AKAP4: variants seen among roughly 807,000 people sequenced by gnomAD.
AKAP4 encodes A-kinase anchoring protein 4.
A neutral mutation model predicts 42.6 loss-of-function variants in AKAP4; 4 were observed. That is an observed-to-expected ratio of 0.09 (90% CI 0.05 to 0.22). The LOEUF (loss-of-function observed/expected upper bound fraction) is 0.22. Among genes scored for constraint, AKAP4 ranks in the 10% least tolerant of loss-of-function variants. AKAP4 has a pLI of 1.00. For synonymous variants in AKAP4, 223 were observed against 233.0 expected, an observed-to-expected ratio of 0.96 and a Z score of 0.39; for missense variants, 551 against 630.7, an observed-to-expected ratio of 0.87 and a Z score of 1.35.
chrX:50,191,553 A>C (rs1464618286), intron 5 of AKAP4, among the ~76,000 whole-genome samples: 4 of 109,430 alleles, frequency 3.7e-5, no homozygotes, highest in Non-Finnish European at 5.7e-5. Context: ...CTGGACTGAA[A>C]ATAACTTTGT....
rs1347220663 is a variant in AKAP4, at chrX:50,198,809, G to A, written c.28-57C>T. 6 of 938,643 alleles carry A rather than the reference G, an allele frequency of 6.4e-6. No individual in the cohort carries two copies. The African/African-American group carries it at 9.7e-5, about 15-fold the overall frequency. The allele number at this position is 938,643 out of a possible 1,213,427, so 77.4% of individuals were successfully genotyped here. ...CTTATATATGGTTTTTGGAAACCGG[G>A]TCAATTTGGATAAGAATCTCTGGAG... On this transcript the variant is annotated intron_variant, in intron 1 of 5. Transcript: ENST00000358526.
At chrX:50,200,689 A>G (rs1232345885) in intron 1 of AKAP4, among the ~76,000 whole-genome samples, 174 bp downstream of exon 1, 1 of 112,134 alleles carries the variant, frequency 8.9e-6, no homozygotes, top group Non-Finnish European at 1.9e-5. Flanking sequence ...GTTATATTGC[A>G]AGAGATCTTT....
intron 3 of AKAP4, 89 bp downstream of exon 3, chrX:50,197,454 TC>T: frequency 2.4e-6 from 2 of 823,496 alleles, no homozygotes. Context: ...TTCCCCTCTC[TC>T]CCCCCAACAT....
chrX:50,200,891 T>A lies in AKAP4; in HGVS notation c.-2A>T. The A allele has an allele frequency of 8.3e-7, 1 of 1,207,727 alleles. No individual in the cohort carries two copies. Among genetic ancestry groups the A allele is most frequent in the Non-Finnish European group, 1.1e-6 (1 of 892,308 alleles). The stretch of plus-strand genomic sequence containing the variant: ...TGTAGTATCAGAGTACGCCATCATG[T>A]AGGACCCTGGAATGATGTTTTCTTG... On this transcript the variant is annotated 5_prime_UTR_variant, in exon 1 of 6. Coordinates refer to ENST00000358526, the MANE Select transcript of AKAP4 (RefSeq NM_003886.3).
chrX:50,197,717 T>C (rs966426240), intron 2 of AKAP4, 123 bp from the exon 3 acceptor site: 265 of 550,516 alleles, frequency 4.8e-4, no homozygotes, highest in Non-Finnish European at 4.8e-5. Flanking sequence ...TGAGATACTA[T>C]ATGGAAAGCA....
intron 3 of AKAP4, 137 bp from the exon 4 acceptor site, chrX:50,197,129 G>T: frequency 2.1e-6 from 1 of 468,921 alleles, no homozygotes; most frequent in Non-Finnish European, 3.6e-6. Context: ...AGGTAGGCTT[G>T]TGAGGCTAGC....
chrX:50,194,575 G>A, intron 4 of AKAP4, 139 bp from the exon 5 acceptor site: 1 of 471,589 alleles, frequency 2.1e-6, no homozygotes, highest in South Asian at 3.5e-5. Context: ...ATATCCATTA[G>A]TACACATTCA....
At chrX:50,195,003 CAAGT>C in intron 4 of AKAP4, among the ~76,000 whole-genome samples, 1 of 111,711 alleles carries the variant, frequency 9.0e-6, no homozygotes, top group Middle Eastern at 4.7e-3. Context: ...TGTAAATGAG[CAAGT>C]GTCAATTTCA....
At position 50,201,004 on chromosome X, in the gene AKAP4, T is replaced by G. The variant is rs1303092238; in HGVS notation, c.-115A>C. 1.4e-6 allele frequency: 1 copy of G among 710,931 alleles called. No individual in the cohort carries two copies. The highest frequency in any genetic ancestry group is 2.1e-5 in the African/African-American group (1 of 47,640). 58.6% of individuals were successfully genotyped at this position (710,931 alleles called of 1,213,427 possible). ...CTCCATGCCCTCCTACAGCCTTGAC[T>G]GCCAGCTGGTACCAGAGTTACCTCT... On this transcript the variant is annotated 5_prime_UTR_variant, in exon 1 of 6. Transcript: ENST00000358526.
intron 4 of AKAP4, 111 bp downstream of exon 4, chrX:50,196,780 T>C (rs1935196271): frequency 3.7e-6 from 2 of 537,063 alleles, no homozygotes; most frequent in South Asian, 3.4e-5. Context: ...AGTATTCAAA[T>C]TGATGAGCCT....
intron 1 of AKAP4, among the ~76,000 whole-genome samples, chrX:50,199,227 G>T (rs1432447114): frequency 4.5e-5 from 5 of 111,131 alleles, no homozygotes; most frequent in African/African-American, 1.6e-4. Flanking sequence ...TTACACTAAA[G>T]AAAGTGAAAT....
At position 50,193,572 on chromosome X, in the gene AKAP4, C is replaced by T. The variant is rs1323948832; in HGVS notation, c.1141G>A (p.Asp381Asn). The T allele has an allele frequency of 9.9e-6, 12 of 1,210,005 alleles. No individual in the cohort carries two copies. The highest frequency in any genetic ancestry group is 1.2e-5 in the Non-Finnish European group (11 of 895,256). The change falls in exon 5 of 6, where the codon GAT becomes AAT. Residue 381 changes from aspartate (D) to asparagine (N), a missense_variant. Asp to Asn is a conservative substitution (Grantham distance 23). Coordinates refer to ENST00000358526, the MANE Select transcript of AKAP4 (RefSeq NM_003886.3). ...LLRHTKEIVS[D>N]LIDSCMKNLH... Reference sequence around the variant, plus strand: ...TTCTTCATGCAAGAATCAATCAAATCGGACACAATCTCCTTGGTGTGCCTT... The same window carrying T: ...TTCTTCATGCAAGAATCAATCAAATTGGACACAATCTCCTTGGTGTGCCTT...
chrX:50,192,243 A>T (rs1436226524), intron 5 of AKAP4, 61 bp downstream of exon 5: 1 of 989,766 alleles, frequency 1.0e-6, no homozygotes, highest in African/African-American at 1.9e-5. Context: ...TCTAAGTACA[A>T]TGCTGCCTCC....
At position 50,198,759 on chromosome X, in the gene AKAP4, A is replaced by C. The variant is rs368720051; in HGVS notation, c.28-7T>G. 7 of 1,188,220 alleles carry C rather than the reference A, an allele frequency of 5.9e-6. No individual in the cohort carries two copies. The African/African-American group carries it at 1.2e-4, about 21-fold the overall frequency. On this transcript the variant is annotated splice_polypyrimidine_tract_variant and splice_region_variant and intron_variant, in intron 1 of 5. Coordinates refer to ENST00000358526, the MANE Select transcript of AKAP4 (RefSeq NM_003886.3). The stretch of plus-strand genomic sequence containing the variant: ...AGTCAATATCATCAGACATCTGGAA[A>C]GAGAAAGAAAAGAAAGCTGAAATGC...
intron 2 of AKAP4, 108 bp from the exon 3 acceptor site, chrX:50,197,702 T>C: frequency 1.6e-6 from 1 of 634,537 alleles, no homozygotes; most frequent in Non-Finnish European, 2.4e-6. Context: ...CTTGTGAGGA[T>C]TAACTGAGAT....
chrX:50,197,418 G>T, intron 3 of AKAP4, 126 bp downstream of exon 3: 1 of 549,951 alleles, frequency 1.8e-6, no homozygotes. Flanking sequence ...GAGAATGCTG[G>T]CTTTCCCCCT....
chrX:50,200,301 T>A (rs1460910259), intron 1 of AKAP4: 1 of 752,726 alleles, frequency 1.3e-6, no homozygotes, highest in African/African-American at 2.3e-5. Flanking sequence ...CCCCTTTAGA[T>A]GGAACTGAGA....
At chrX:50,192,191 C>T (rs906996710) in intron 5 of AKAP4, 113 bp downstream of exon 5, 43 of 689,970 alleles carry the variant, frequency 6.2e-5, no homozygotes, top group Non-Finnish European at 8.5e-5. Flanking sequence ...ATTCATGAAG[C>T]ACACGGTAAA....
rs149949899 is a variant in AKAP4, at chrX:50,197,578, A to G, written c.140T>C (p.Val47Ala). 1.4e-5 allele frequency: 17 copies of G among 1,204,992 alleles called. No individual in the cohort carries two copies. The African/African-American group carries it at 2.8e-4, about 20-fold the overall frequency. ...TTTATCTTCTACATTCAGGGTGGAC[A>G]CATCGACAAAGCATATCTGCATCAA... Reference protein sequence around the residue: ...QDRKVICFVDVSTLNVEDKDY... With the variant: ...QDRKVICFVDASTLNVEDKDY... Residue 47 changes from valine (V) to alanine (A), a missense_variant, in exon 3 of 6, where the codon GTG becomes GCG. By Grantham distance (64) the Val-to-Ala change is moderately conservative (BLOSUM62 0). Coordinates refer to ENST00000358526, the MANE Select transcript of AKAP4 (RefSeq NM_003886.3).
Sources: allele counts gnomAD v4.1 joint callset (sites outside exome capture counted in the v4.1 genomes callset), GRCh38; gene constraint gnomAD v4.1.1; transcripts MANE v1.5; gene names NCBI Gene and HGNC (gene_info 2026-07-23, HGNC 2026-07-21).